Variants in ANKRD11 observed in about 807,000 individuals in gnomAD.
ANKRD11 encodes the protein ankyrin repeat domain 11, also known as ankyrin repeat domain-containing protein 11.
Under a neutral mutation model 195.7 loss-of-function variants are expected in ANKRD11, and 17 were observed. The observed-to-expected ratio is 0.09, with a 90% CI of 0.06 to 0.13. The LOEUF is 0.13. Ranked by LOEUF, ANKRD11 falls within the 10% of genes least tolerant of loss-of-function variation. The pLI is 1.00. For synonymous variants in ANKRD11, 1,953 were observed against 1,528.1 expected (o/e 1.28, Z -6.49); for missense variants, 3,735 against 3,566.1 (o/e 1.05, Z -1.21).
chr16:89,475,553 A>G (rs1327074740), intron 1 of ANKRD11, among the ~76,000 whole-genome samples: 1 of 152,330 alleles, frequency 6.6e-6, no homozygotes, highest in South Asian at 2.1e-4. Context: ...CATTAATGCT[A>G]ATTATTTATT....
intron 3 of ANKRD11, among the ~76,000 whole-genome samples, chr16:89,309,772 T>C (rs2036508443): frequency 1.3e-5 from 2 of 152,202 alleles, no homozygotes; most frequent in South Asian, 2.1e-4. Flanking sequence ...GTGCACATGC[T>C]ACAGAATGTT....
chr16:89,281,131 C>T lies in ANKRD11; in HGVS notation c.5411G>A (p.Ser1804Asn), dbSNP rs1420284743. ...DIRRTPEEEF[S>N]VGDKLFRQQS... ...CTGCCTGAAGAGCTTGTCTCCGACG[C>T]TGAATTCTTCCTCGGGGGTCCTCCT... Residue 1804 changes from serine to asparagine, a missense_variant, in exon 9 of 13, where the codon AGC becomes AAC. By Grantham distance (46) the Ser-to-Asn change is conservative. Transcript: ENST00000301030. This position sits in a 1 kb window ranked among gnomAD's most constrained non-coding sequence, Gnocchi z 5.5. 1.2e-6 allele frequency: 2 copies of T among 1,613,054 alleles called. No individual in the cohort carries two copies. Among genetic ancestry groups the T allele is most frequent in the Non-Finnish European group, 1.7e-6 (2 of 1,179,168 alleles).
At chr16:89,361,158 C>G (rs8050487) in intron 2 of ANKRD11, among the ~76,000 whole-genome samples, 1 of 152,306 alleles carries the variant, frequency 6.6e-6, no homozygotes, top group South Asian at 2.1e-4. Flanking sequence ...TTCCTGTAAG[C>G]CTGAAACCCT....
intron 1 of ANKRD11, among the ~76,000 whole-genome samples, chr16:89,460,964 G>T (rs1319960251): frequency 8.0e-6 from 1 of 124,352 alleles, no homozygotes; most frequent in Non-Finnish European, 1.6e-5. Flanking sequence ...GACAAATATC[G>T]TATGACCCCC....
chr16:89,363,055 G>A (rs1349326558), intron 2 of ANKRD11, among the ~76,000 whole-genome samples: 1 of 151,962 alleles, frequency 6.6e-6, no homozygotes, highest in African/African-American at 2.4e-5. Context: ...TACCCTTTCT[G>A]CAGAAGGTAT....
chr16:89,450,636 ACTC>A (rs2044028100), intron 1 of ANKRD11, among the ~76,000 whole-genome samples: 1 of 151,814 alleles, frequency 6.6e-6, no homozygotes, highest in African/African-American at 2.4e-5. Flanking sequence ...ACATTCCTAA[ACTC>A]CTACTTTCTC....
At chr16:89,341,073 A>T (rs1408311279) in intron 2 of ANKRD11, among the ~76,000 whole-genome samples, 1 of 152,232 alleles carries the variant, frequency 6.6e-6, no homozygotes, top group Non-Finnish European at 1.5e-5. Context: ...CCCAGGAAAA[A>T]ATTAATAAGT....
chr16:89,454,061 T>C (rs2056318091), intron 1 of ANKRD11, among the ~76,000 whole-genome samples: 1 of 152,158 alleles, frequency 6.6e-6, no homozygotes, highest in African/African-American at 2.4e-5. Flanking sequence ...ACAATAATCC[T>C]TCCACAATGC....
At chr16:89,365,741 G>A (rs2039918823) in intron 2 of ANKRD11, among the ~76,000 whole-genome samples, 1 of 152,072 alleles carries the variant, frequency 6.6e-6, no homozygotes, top group Non-Finnish European at 1.5e-5. Context: ...TTTAGGTTCG[G>A]GTTGCAGGTT....
Position 89,430,414 on chromosome 16 carries a change from G to A in ANKRD11, c.-144-12046C>T, listed in dbSNP as rs534155200. Among the ~76,000 whole-genome samples, 276 of 147,738 alleles carry A rather than the reference G, an allele frequency of 1.9e-3. 3 individuals carry two copies. The highest frequency in any genetic ancestry group is 6.0e-3 in the African/African-American group (237 of 39,568). On this transcript the variant is annotated intron_variant, in intron 1 of 12. Transcript: ENST00000301030. ...GGACTCTCAACTCTCACGCTCAGTC[G>A]TTCTAGTACACAGCAGGGATTCTCA...
At chr16:89,403,988 C>T (rs1345271388) in intron 2 of ANKRD11, among the ~76,000 whole-genome samples, 4 of 152,124 alleles carry the variant, frequency 2.6e-5, no homozygotes, top group African/African-American at 7.2e-5. Context: ...GATTATAAAA[C>T]TAAAATAGGG....
intron 1 of ANKRD11, among the ~76,000 whole-genome samples, chr16:89,442,670 G>A (rs1474083482): frequency 6.6e-6 from 1 of 152,200 alleles, no homozygotes; most frequent in Admixed American, 6.5e-5. Context: ...CAAAGGCCAG[G>A]TGCTGACACG....
At chr16:89,313,543 C>T (rs1202223092) in intron 3 of ANKRD11, 2 of 1,289,098 alleles carry the variant, frequency 1.6e-6, no homozygotes, top group Non-Finnish European at 2.0e-6. Flanking sequence ...GCTCCATTTC[C>T]ATCTTCCACG....
intron 9 of ANKRD11, chr16:89,278,368 C>A: frequency 2.7e-6 from 1 of 375,868 alleles, no homozygotes; most frequent in South Asian, 1.9e-5. Flanking sequence ...GTGCACAGGG[C>A]AGGCAGCCCT....
At chr16:89,381,354 A>AAAAAAAAAAGGG (rs1555560066) in intron 2 of ANKRD11, among the ~76,000 whole-genome samples, 3 of 125,344 alleles carry the variant, frequency 2.4e-5, no homozygotes, top group African/African-American at 9.9e-5. Flanking sequence ...AAAAAAAAAA[A>AAAAAAAAAAGGG]GGGGTGAGAA....
chr16:89,359,616 G>A (rs903083302), intron 2 of ANKRD11, among the ~76,000 whole-genome samples: 11 of 152,200 alleles, frequency 7.2e-5, no homozygotes, highest in Non-Finnish European at 1.6e-4. Context: ...ATGGCACAGA[G>A]CTGCTCATTT....
chr16:89,489,862 T>G (rs1203789174), intron 1 of ANKRD11, among the ~76,000 whole-genome samples: 1 of 58,190 alleles, frequency 1.7e-5, no homozygotes, highest in Admixed American at 2.0e-4. Flanking sequence ...GAGCCCCCAA[T>G]CGGCCCCTCA....
At chr16:89,270,443 C>A (rs550211775) in intron 12 of ANKRD11, 506 of 366,052 alleles carry the variant, frequency 1.4e-3, no homozygotes, top group Non-Finnish European at 2.4e-3. Flanking sequence ...CTTCCCGGCA[C>A]CTCCCCCGCC....
intron 2 of ANKRD11, among the ~76,000 whole-genome samples, chr16:89,415,931 G>A (rs1023739426): frequency 2.7e-5 from 4 of 150,676 alleles, no homozygotes; most frequent in East Asian, 2.0e-4. Flanking sequence ...GTCACACTGC[G>A]CCCAACCTCT....
Sources: allele counts gnomAD v4.1 joint callset (sites outside exome capture counted in the v4.1 genomes callset), GRCh38; gene constraint gnomAD v4.1.1; non-coding constraint Gnocchi (gnomAD v3.1); transcripts MANE v1.5; gene names NCBI Gene and HGNC (gene_info 2026-07-23, HGNC 2026-07-21).